TBL1XR1: variants seen among roughly 807,000 people sequenced by gnomAD.
The protein encoded by TBL1XR1 is TBL1X/Y related 1.
TBL1XR1 carries 5 observed loss-of-function variants against 66.9 expected under a neutral mutation model. That is an observed-to-expected ratio of 0.07 (90% CI 0.04 to 0.16). The LOEUF (loss-of-function observed/expected upper bound fraction) is 0.16. TBL1XR1 is among the 10% of genes least tolerant of loss of function. TBL1XR1 has a pLI of 1.00. For missense variants in TBL1XR1, 238 were observed against 623.2 expected, an observed-to-expected ratio of 0.38 and a Z score of 6.58; for synonymous variants, 210 against 206.0, an observed-to-expected ratio of 1.02 and a Z score of -0.17.
At chr3:177,072,393 T>C (rs1220186046) in intron 2 of TBL1XR1, among the ~76,000 whole-genome samples, 1 of 151,894 alleles carries the variant, frequency 6.6e-6, no homozygotes, top group African/African-American at 2.4e-5. Context: ...TGGGTAAAAC[T>C]GCTCACACCT....
At chr3:177,063,878 C>A (rs939515298) in intron 3 of TBL1XR1, among the ~76,000 whole-genome samples, 1 of 152,270 alleles carries the variant, frequency 6.6e-6, no homozygotes, top group African/African-American at 2.4e-5. Flanking sequence ...GAATAGAAAA[C>A]CCCTACCCCC....
At chr3:177,044,071 C>T (rs568345897) in intron 10 of TBL1XR1, among the ~76,000 whole-genome samples, 20 of 152,244 alleles carry the variant, frequency 1.3e-4, no homozygotes, top group African/African-American at 4.1e-4. Context: ...ATGTTCTCTG[C>T]GTTTTTGGAT....
intron 1 of TBL1XR1, among the ~76,000 whole-genome samples, chr3:177,100,486 C>G (rs1051755521): frequency 6.6e-6 from 1 of 151,776 alleles, no homozygotes; most frequent in Admixed American, 6.6e-5. Context: ...TGCCATGGCA[C>G]AATCTCAGCT....
At chr3:177,143,722 G>A (rs1396986120) in intron 1 of TBL1XR1, among the ~76,000 whole-genome samples, 1 of 152,222 alleles carries the variant, frequency 6.6e-6, no homozygotes, top group African/African-American at 2.4e-5. Context: ...TTATCCAATT[G>A]TTTAGGTTTC....
chr3:177,046,080 GA>G, intron 10 of TBL1XR1, 48 bp downstream of exon 10: 1 of 1,411,096 alleles, frequency 7.1e-7, no homozygotes, highest in African/African-American at 1.5e-5. Flanking sequence ...AGTTTAATTA[GA>G]AAAACAGAAG....
At chr3:177,039,383 T>C (rs1715259015) in intron 10 of TBL1XR1, among the ~76,000 whole-genome samples, 1 of 152,112 alleles carries the variant, frequency 6.6e-6, no homozygotes, top group South Asian at 2.1e-4. Context: ...ATAAGTATCA[T>C]TCCCATTATC....
At chr3:177,036,052 T>G (rs1318284104) in intron 12 of TBL1XR1, among the ~76,000 whole-genome samples, 1 of 152,236 alleles carries the variant, frequency 6.6e-6, no homozygotes, top group Non-Finnish European at 1.5e-5. Flanking sequence ...TAAACTACCC[T>G]GCCTTCCTTT....
rs1198970421 is a variant in TBL1XR1 at position 177,062,046 on chromosome 3, A to G, written c.58+2874T>C. On this transcript the variant is annotated intron_variant, in intron 3 of 15. Coordinates refer to ENST00000457928, the MANE Select transcript of TBL1XR1 (RefSeq NM_024665.7). ...CTATAACATTCTCAAACTCTCTTCCATATCCTATTTCTGGATGCAATTTCA... is the reference window on the plus strand; with the variant it reads ...CTATAACATTCTCAAACTCTCTTCCGTATCCTATTTCTGGATGCAATTTCA... Among the ~76,000 whole-genome samples the G allele has an allele frequency of 1.3e-5, 2 of 152,194 alleles. 1 individual carries two copies.
At chr3:177,050,839 G>T (rs996284030) in intron 5 of TBL1XR1, among the ~76,000 whole-genome samples, 1 of 137,642 alleles carries the variant, frequency 7.3e-6, no homozygotes, top group Non-Finnish European at 1.6e-5. Context: ...GGTGGGGGTG[G>T]GAGTGGGATG....
At chr3:177,136,972 T>C (rs918932418) in intron 1 of TBL1XR1, among the ~76,000 whole-genome samples, 1 of 152,216 alleles carries the variant, frequency 6.6e-6, no homozygotes. Context: ...TCAAAAAAGA[T>C]GACCTCACTC....
At chr3:177,136,131 C>T (rs1345466966) in intron 1 of TBL1XR1, 2 of 151,928 alleles carry the variant, frequency 1.3e-5, no homozygotes, top group South Asian at 4.1e-4. Flanking sequence ...GAATTTAATA[C>T]GAGTGCATCA....
At chr3:177,072,824 G>A (rs1311841022) in intron 2 of TBL1XR1, among the ~76,000 whole-genome samples, 1 of 152,230 alleles carries the variant, frequency 6.6e-6, no homozygotes, top group East Asian at 1.9e-4. Context: ...AACACTTTGA[G>A]AAGCCGAGGC....
chr3:177,153,964 A>G (rs921102437), intron 1 of TBL1XR1, among the ~76,000 whole-genome samples: 1 of 151,836 alleles, frequency 6.6e-6, no homozygotes, highest in Non-Finnish European at 1.5e-5. Flanking sequence ...TAGTAGAAAT[A>G]ATATAGAGTG....
intron 1 of TBL1XR1, among the ~76,000 whole-genome samples, chr3:177,182,392 G>A (rs1410015168): frequency 1.3e-5 from 2 of 152,088 alleles, no homozygotes; most frequent in African/African-American, 4.8e-5. Context: ...CTCAGAAAAA[G>A]AAGAAAACTC....
intron 1 of TBL1XR1, among the ~76,000 whole-genome samples, chr3:177,156,082 AAACTTTCTTAGAACAAAAAAAAACAG>A (rs1167698445): frequency 4.0e-5 from 6 of 151,462 alleles, no homozygotes; most frequent in Non-Finnish European, 8.8e-5. Context: ...AATACAGGAT[AAACTTTCTTAGAACAAAAAAAAACAG>A]AAACCATTAA....
chr3:177,144,770 G>T (rs913578020), intron 1 of TBL1XR1, among the ~76,000 whole-genome samples: 5 of 151,722 alleles, frequency 3.3e-5, no homozygotes, highest in Non-Finnish European at 5.9e-5. Context: ...AAGAAAAAAA[G>T]AAAAAGAAAG....
chr3:177,177,153 A>G (rs1734254526), intron 1 of TBL1XR1, among the ~76,000 whole-genome samples: 1 of 152,172 alleles, frequency 6.6e-6, no homozygotes, highest in East Asian at 1.9e-4. Context: ...AACTTAAGCC[A>G]AAAGTTTGCA....
At chr3:177,050,660 A>T in intron 5 of TBL1XR1, 50 bp from the exon 6 acceptor site, 2 of 1,605,360 alleles carry the variant, frequency 1.2e-6, no homozygotes, top group Non-Finnish European at 1.7e-6. Context: ...GTATTACAAC[A>T]TGGTGGATGG....
chr3:177,079,025 C>T (rs918427788), intron 2 of TBL1XR1, among the ~76,000 whole-genome samples: 6 of 152,120 alleles, frequency 3.9e-5, no homozygotes, highest in Non-Finnish European at 5.9e-5. Flanking sequence ...GAAAACAATG[C>T]AATAACCTAA....
Sources: gnomAD v4.1 joint callset for allele counts (sites outside exome capture counted in the v4.1 genomes callset) on GRCh38, gnomAD v4.1.1 for gene constraint, MANE v1.5 for transcripts, NCBI Gene and HGNC (gene_info 2026-07-23, HGNC 2026-07-21) for gene names.